NSD2: variants seen among roughly 807,000 people sequenced by gnomAD.
The protein encoded by NSD2 is nuclear receptor binding SET domain protein 2.
NSD2 carries 12 observed loss-of-function variants against 139.0 expected under a neutral mutation model. The ratio of observed to expected loss-of-function variants is 0.09; its 90% CI spans 0.06 to 0.14. The LOEUF (loss-of-function observed/expected upper bound fraction) is 0.14. NSD2 is among the 10% of genes least tolerant of loss of function. The pLI, the probability that NSD2 is intolerant of heterozygous loss-of-function variation, is 1.00. For missense variants in NSD2, 1,155 were observed against 1,745.0 expected (o/e 0.66, Z 6.02); for synonymous variants, 669 against 648.7 (o/e 1.03, Z -0.48).
intron 1 of NSD2, among the ~76,000 whole-genome samples, chr4:1,898,011 C>CT (rs965691475): frequency 3.3e-4 from 50 of 151,490 alleles, no homozygotes; most frequent in East Asian, 9.7e-4. Flanking sequence ...ATATTTTTGC[C>CT]TTTTTTTTTC....
At chr4:1,913,433 C>T (rs924289102) in intron 3 of NSD2, among the ~76,000 whole-genome samples, 1 of 152,074 alleles carries the variant, frequency 6.6e-6, no homozygotes, top group Non-Finnish European at 1.5e-5. Context: ...GAGGCCTAAC[C>T]GTCTCCCTGT....
intron 1 of NSD2, among the ~76,000 whole-genome samples, chr4:1,877,740 C>T (rs1248953670): frequency 2.0e-5 from 3 of 152,156 alleles, no homozygotes; most frequent in African/African-American, 7.2e-5. Flanking sequence ...CTGCTGCCTC[C>T]GACTAGTGCC....
chr4:1,939,614 T>C (rs1227116462), intron 8 of NSD2, 40 bp from the exon 9 acceptor site: 2 of 1,598,270 alleles, frequency 1.3e-6, no homozygotes, highest in African/African-American at 2.7e-5. Context: ...AGATCAAGGG[T>C]TTATGATTTG....
intron 5 of NSD2, among the ~76,000 whole-genome samples, chr4:1,927,353 G>C (rs1201649104): frequency 6.6e-6 from 1 of 152,114 alleles, no homozygotes; most frequent in Admixed American, 6.5e-5. Flanking sequence ...AGAGGGGTTG[G>C]GGGTCGTCTT....
rs1190253490 is a variant in NSD2 at position 1,942,829 on chromosome 4, T to G, written c.1881+3051T>G. 1 of 1,069,562 alleles carries G rather than the reference T, an allele frequency of 9.3e-7. No individual in the cohort carries two copies. The highest frequency in any genetic ancestry group is 1.1e-6 in the Non-Finnish European group (1 of 881,712). The allele number at this position is 1,069,562 out of a possible 1,614,324, so 66.3% of individuals were successfully genotyped here. On this transcript the variant is annotated intron_variant, in intron 9 of 21. Transcript: ENST00000508803. This position sits in a 1 kb window ranked among gnomAD's most constrained non-coding sequence, Gnocchi z 4.0. The stretch of plus-strand genomic sequence containing the variant: ...AACTAACAGCACACGTTAGGAGGAG[T>G]CCTCATCAGCTGTTCTCATTGCCAG...
chr4:1,947,578 C>G, intron 9 of NSD2: 1 of 1,053,072 alleles, frequency 9.5e-7, no homozygotes, highest in Non-Finnish European at 1.1e-6. Context: ...TATTTTAATT[C>G]CACTTTAACA....
At chr4:1,914,953 C>T (rs1481673534) in intron 3 of NSD2, among the ~76,000 whole-genome samples, 1 of 152,024 alleles carries the variant, frequency 6.6e-6, no homozygotes, top group Admixed American at 6.6e-5. Flanking sequence ...CTTGGAGCTT[C>T]TCTGTTTCTC....
intron 5 of NSD2, among the ~76,000 whole-genome samples, chr4:1,927,458 C>G (rs1039335754): frequency 6.6e-6 from 1 of 152,004 alleles, no homozygotes; most frequent in African/African-American, 2.4e-5. Context: ...TGCCTCATGC[C>G]TGTAATCCCA....
Position 1,907,553 on chromosome 4 carries a change from AGAC to A in NSD2, c.760+3176_760+3178del, listed in dbSNP as rs141176487. Among the ~76,000 whole-genome samples the A allele has an allele frequency of 5.8e-3, 886 of 151,762 alleles. 5 individuals are homozygous for A. The highest frequency in any genetic ancestry group is 0.02 in the African/African-American group (841 of 41,362). ...TCAAGTCAAAGTAAAACAGCACAGC[AGAC>A]ACCTATCCCCTCATCTAGATTCTCC... On this transcript the variant is annotated intron_variant, in intron 3 of 21. Transcript: ENST00000508803.
rs1162158242 is a variant in NSD2 at position 1,916,948 on chromosome 4, A to G, written c.838A>G (p.Ser280Gly). Residue 280 changes from serine (S) to glycine (G), a missense_variant, in exon 4 of 22, where the codon AGC becomes GGC. By Grantham distance (56) the Ser-to-Gly change is moderately conservative (BLOSUM62 0). Transcript: ENST00000508803. The stretch of plus-strand genomic sequence containing the variant: ...AGAAAGAGCTTGGATATTTGAGAAG[A>G]GCCTCGTAGCTTTTGAAGGAGAAGG... Reference protein sequence around the residue: ...APERAWIFEKSLVAFEGEGQF... With the variant: ...APERAWIFEKGLVAFEGEGQF... 1 of 1,614,094 alleles carries G rather than the reference A, an allele frequency of 6.2e-7. No homozygotes were observed. The highest frequency in any genetic ancestry group is 8.5e-7 in the Non-Finnish European group (1 of 1,180,032).
chr4:1,901,196 A>G lies in NSD2; in HGVS notation c.542A>G (p.Gln181Arg), dbSNP rs994171255. ...ATAAAATATGACTCCTTGCTGGAGCAGGGCCTTGTCGAAGCAGCTCTTGTG... is the reference window on the plus strand; with the variant it reads ...ATAAAATATGACTCCTTGCTGGAGCGGGGCCTTGTCGAAGCAGCTCTTGTG... ...RSIKYDSLLEQGLVEAALVSK... is the reference protein window; with the variant it reads ...RSIKYDSLLERGLVEAALVSK... The change falls in exon 2 of 22, where the codon CAG becomes CGG. Residue 181 changes from glutamine (Q) to arginine (R), a missense_variant. This residue lies in a region of NSD2 where 246 missense variants were observed against 262.8 expected (regional missense o/e 0.94). Transcript: ENST00000508803. The G allele has an allele frequency of 3.1e-6, 5 of 1,607,924 alleles. No homozygotes were observed. The highest frequency in any genetic ancestry group is 4.2e-6 in the Non-Finnish European group (5 of 1,177,996).
At chr4:1,946,141 T>A in intron 9 of NSD2, 1 of 1,027,430 alleles carries the variant, frequency 9.7e-7, no homozygotes, top group Non-Finnish European at 1.2e-6. Context: ...AAAGCTAAAT[T>A]ATAGTCTTTT....
intron 1 of NSD2, among the ~76,000 whole-genome samples, chr4:1,896,316 A>G (rs547243985): frequency 6.6e-6 from 1 of 152,346 alleles, no homozygotes; most frequent in South Asian, 2.1e-4. Context: ...CCTGCAGCCT[A>G]TGAGGCTCCA....
intron 1 of NSD2, among the ~76,000 whole-genome samples, chr4:1,880,882 C>G (rs1368648403): frequency 6.6e-6 from 1 of 152,150 alleles, no homozygotes; most frequent in Non-Finnish European, 1.5e-5. Context: ...AGCTGAATAT[C>G]ATTTGTGATA....
In NSD2 at chr4:1,917,052, T is replaced by C. The variant is rs886059316; in HGVS notation, c.927+15T>C. On this transcript the variant is annotated intron_variant, in intron 4 of 21. Coordinates refer to ENST00000508803, the MANE Select transcript of NSD2 (RefSeq NM_001042424.3). Reference sequence around the variant, plus strand: ...AGAAAATTAAGGTGATAGATGACCCTTCAGTCTACTTTTAGACCAGAAATT... The same window carrying C: ...AGAAAATTAAGGTGATAGATGACCCCTCAGTCTACTTTTAGACCAGAAATT... 1 of 1,579,634 alleles carries C rather than the reference T, an allele frequency of 6.3e-7. No individual in the cohort carries two copies. The highest frequency in any genetic ancestry group is 8.6e-7 in the Non-Finnish European group (1 of 1,165,492).
Position 1,962,928 on chromosome 4 carries a change from C to T in NSD2, c.3372+1777C>T, listed in dbSNP as rs117770518. ...TCCTCCTACATGCTCTGTCAGGGCG[C>T]ACCACCCAGGGGATAAGCTAGCAGC... On this transcript the variant is annotated intron_variant, in intron 18 of 21. Coordinates refer to ENST00000508803, the MANE Select transcript of NSD2 (RefSeq NM_001042424.3). 1.8e-3 allele frequency among the ~76,000 whole-genome samples: 269 copies of T among 152,264 alleles called. 2 individuals are homozygous for T. In the East Asian group the frequency reaches 0.031, roughly 18 times the overall value.
chr4:1,975,141 T>G (rs1470682185), intron 19 of NSD2, 137 bp downstream of exon 19: 2 of 1,465,736 alleles, frequency 1.4e-6, no homozygotes, highest in Non-Finnish European at 1.9e-6. Flanking sequence ...GGTTTGAATA[T>G]CTCTTTTACC....
At chr4:1,879,454 T>C (rs1405555509) in intron 1 of NSD2, among the ~76,000 whole-genome samples, 3 of 152,042 alleles carry the variant, frequency 2.0e-5, no homozygotes, top group Non-Finnish European at 2.9e-5. Context: ...CTCCTGACCT[T>C]GTGATCCGCC....
chr4:1,956,664 A>T lies in NSD2; in HGVS notation c.2881+476A>T, dbSNP rs1449759720. On this transcript the variant is annotated intron_variant, in intron 15 of 21. Coordinates refer to ENST00000508803, the MANE Select transcript of NSD2 (RefSeq NM_001042424.3). The surrounding 1 kb of genome is among the most constrained non-coding windows in gnomAD (Gnocchi z 5.3). ...AACGATGTGGCATGGCTGGCTGATG[A>T]CCCACGTTTGAGGGAGGCAGGATGG... Among the ~76,000 whole-genome samples the T allele has an allele frequency of 1.3e-5, 2 of 152,042 alleles. No homozygotes were observed. Among genetic ancestry groups the T allele is most frequent in the Non-Finnish European group, 2.9e-5 (2 of 67,988 alleles).
Sources: allele counts gnomAD v4.1 joint callset (sites outside exome capture counted in the v4.1 genomes callset), GRCh38; gene constraint gnomAD v4.1.1; regional missense constraint gnomAD v4.1.1; non-coding constraint Gnocchi (gnomAD v3.1); transcripts MANE v1.5; gene names NCBI Gene and HGNC (gene_info 2026-07-23, HGNC 2026-07-21).